TNR: variants seen among roughly 807,000 people sequenced by gnomAD.
The protein encoded by TNR is tenascin R.
TNR carries 45 observed loss-of-function variants against 150.4 expected under a neutral mutation model. That is an observed-to-expected ratio of 0.30 (90% CI 0.24 to 0.38). The LOEUF (loss-of-function observed/expected upper bound fraction) is 0.38, where lower values mean the gene tolerates loss of function less well. TNR is among the 10% of genes least tolerant of loss of function. The pLI is 1.00. For missense variants in TNR, 1,544 were observed against 1,759.1 expected, an observed-to-expected ratio of 0.88 and a Z score of 2.19; for synonymous variants, 687 against 678.4, an observed-to-expected ratio of 1.01 and a Z score of -0.20.
At chr1:175,334,940 G>A (rs1650155284) in intron 20 of TNR, among the ~76,000 whole-genome samples, 1 of 152,222 alleles carries the variant, frequency 6.6e-6, no homozygotes. Context: ...TGGTCCTAGA[G>A]GCAGAGAGGC....
At chr1:175,377,534 C>A (rs1652466346) in intron 9 of TNR, among the ~76,000 whole-genome samples, 1 of 148,620 alleles carries the variant, frequency 6.7e-6, no homozygotes, top group Non-Finnish European at 1.5e-5. Context: ...CCTATGCCAG[C>A]TGGTCTATCC....
intron 2 of TNR, among the ~76,000 whole-genome samples, chr1:175,479,531 T>A (rs1238842813): frequency 3.9e-5 from 6 of 152,092 alleles, no homozygotes; most frequent in East Asian, 1.9e-4. Flanking sequence ...CAAACTCAGC[T>A]CCCTAAATTC....
chr1:175,694,934 T>C (rs1326626730), intron 1 of TNR, among the ~76,000 whole-genome samples: 2 of 152,238 alleles, frequency 1.3e-5, no homozygotes, highest in Non-Finnish European at 2.9e-5. Flanking sequence ...TGTAGAACTT[T>C]ATTATGGCAG....
rs1405016834 is a variant in TNR, at chr1:175,320,216, T to C, written c.*3141A>G. 6.6e-6 allele frequency: 1 copy of C among 152,268 alleles called. No individual in the cohort carries two copies. Among genetic ancestry groups the C allele is most frequent in the African/African-American group, 2.4e-5 (1 of 41,418 alleles). The allele number at this position is 152,268 out of a possible 1,614,324, so 9.4% of individuals were successfully genotyped here. A position where few individuals can be genotyped will look rare whatever the true frequency, so the allele number is the denominator to read the frequency against. On this transcript the variant is annotated 3_prime_UTR_variant, in exon 23 of 23. Coordinates refer to ENST00000367674, the MANE Select transcript of TNR (RefSeq NM_003285.3). The stretch of plus-strand genomic sequence containing the variant: ...AGAGTATTGCTTACTGGATCTACCT[T>C]TGGGAAATGCAGTTGTGCTTGGAGG...
Position 175,599,474 on chromosome 1 carries a change from C to T in TNR, c.-164-71105G>A, listed in dbSNP as rs1244527357. 6.6e-6 allele frequency among the ~76,000 whole-genome samples: 1 copy of T among 152,226 alleles called. No individual in the cohort carries two copies. The highest frequency in any genetic ancestry group is 1.5e-5 in the Non-Finnish European group (1 of 68,038). On this transcript the variant is annotated intron_variant, in intron 1 of 22. Coordinates refer to ENST00000367674, the MANE Select transcript of TNR (RefSeq NM_003285.3). The surrounding 1 kb of genome is among the most constrained non-coding windows in gnomAD (Gnocchi z 4.7). ...ACGAGGAAATGAGAAGACTTGGGGT[C>T]TTGCGATCGCCGCCGAGTGACGGAG...
At chr1:175,686,370 G>C (rs72727604) in intron 1 of TNR, among the ~76,000 whole-genome samples, 4,058 of 152,286 alleles carry the variant, frequency 0.027, 79 homozygotes, top group Middle Eastern at 0.051. Context: ...GTGTCATAGA[G>C]AGCACTAGTA....
chr1:175,376,174 C>T (rs543341568), intron 9 of TNR, among the ~76,000 whole-genome samples: 29 of 152,156 alleles, frequency 1.9e-4, no homozygotes, highest in African/African-American at 6.5e-4. Flanking sequence ...GGCTGCACCA[C>T]GCTGTGAGAG....
intron 1 of TNR, among the ~76,000 whole-genome samples, chr1:175,669,466 C>T (rs1302609316): frequency 6.6e-6 from 1 of 152,192 alleles, no homozygotes; most frequent in African/African-American, 2.4e-5. Context: ...AGTGACTTTG[C>T]CCTCCACAGA....
intron 2 of TNR, among the ~76,000 whole-genome samples, chr1:175,502,909 C>T (rs149295735): frequency 1.1e-4 from 16 of 151,736 alleles, no homozygotes; most frequent in African/African-American, 1.9e-4. Context: ...ACCCCCTAGA[C>T]GAACCAAGGA....
At chr1:175,656,090 G>T (rs1373390962) in intron 1 of TNR, among the ~76,000 whole-genome samples, 1 of 151,628 alleles carries the variant, frequency 6.6e-6, no homozygotes, top group African/African-American at 2.4e-5. Flanking sequence ...CCCAGACAGG[G>T]CACCTTTAAA....
intron 21 of TNR, 39 bp from the exon 22 acceptor site, chr1:175,324,558 C>A: frequency 6.2e-7 from 1 of 1,603,228 alleles, no homozygotes; most frequent in South Asian, 1.1e-5. Context: ...TCCCATTTGT[C>A]ACTGCTTTAT....
chr1:175,457,866 G>A (rs1656633833), intron 2 of TNR, among the ~76,000 whole-genome samples: 1 of 152,178 alleles, frequency 6.6e-6, no homozygotes, highest in African/African-American at 2.4e-5. Context: ...CTTCTTAGAT[G>A]AAGAAACTGA....
chr1:175,471,989 C>A (rs1187907487), intron 2 of TNR, among the ~76,000 whole-genome samples: 1 of 151,762 alleles, frequency 6.6e-6, no homozygotes, highest in Non-Finnish European at 1.5e-5. Context: ...CCAAAGCACA[C>A]TAGCTGGGCA....
chr1:175,503,588 T>C (rs1658827791), intron 2 of TNR, among the ~76,000 whole-genome samples: 1 of 152,124 alleles, frequency 6.6e-6, no homozygotes, highest in South Asian at 2.1e-4. Flanking sequence ...TTTCACAAGG[T>C]ACCTTGGGCC....
chr1:175,599,024 G>A lies in TNR; in HGVS notation c.-164-70655C>T, dbSNP rs1663121834. On this transcript the variant is annotated intron_variant, in intron 1 of 22. Transcript: ENST00000367674. This position sits in a 1 kb window ranked among gnomAD's most constrained non-coding sequence, Gnocchi z 4.7. ...CTTAGGTGGCTCCGGCTCTCCAGGAGCTAAAGGGCTTCCCCAAGGTCACAC... is the reference window on the plus strand; with the variant it reads ...CTTAGGTGGCTCCGGCTCTCCAGGAACTAAAGGGCTTCCCCAAGGTCACAC... Among the ~76,000 whole-genome samples, 2 of 152,254 alleles carry A rather than the reference G, an allele frequency of 1.3e-5. No homozygotes were observed. The highest frequency in any genetic ancestry group is 2.9e-5 in the Non-Finnish European group (2 of 68,044).
Position 175,330,079 on chromosome 1 carries a change from G to GTGCCGT in TNR, c.3782_3787dup (p.Asn1261_Gly1262dup), listed in dbSNP as rs775625663. ...TGCTCAGGAGCCATAGGTACCCGCA[G>GTGCCGT]TGCCGTTGTAGCTTCCTATGCGGAG... is the stretch of plus-strand genomic sequence containing the variant. On this transcript the variant is annotated inframe_insertion, in exon 21 of 23. Coordinates refer to ENST00000367674, the MANE Select transcript of TNR (RefSeq NM_003285.3). The GTGCCGT allele has an allele frequency of 2.5e-5, 39 of 1,584,158 alleles. No homozygotes were observed. The highest frequency in any genetic ancestry group is 2.9e-5 in the Non-Finnish European group (34 of 1,157,910).
intron 9 of TNR, among the ~76,000 whole-genome samples, chr1:175,378,302 CTTCA>C (rs71299425): frequency 0.41 from 61,317 of 151,078 alleles, 12,694 homozygotes; most frequent in East Asian, 0.53. Context: ...ACTTCTGCAG[CTTCA>C]TTCATTCATT....
At chr1:175,526,966 C>T (rs1439149030) in intron 2 of TNR, among the ~76,000 whole-genome samples, 1 of 152,234 alleles carries the variant, frequency 6.6e-6, no homozygotes, top group Non-Finnish European at 1.5e-5. Flanking sequence ...ATGGACTGCC[C>T]TCTGTGCCAG....
At chr1:175,544,917 C>T (rs1443263696) in intron 1 of TNR, among the ~76,000 whole-genome samples, 1 of 152,122 alleles carries the variant, frequency 6.6e-6, no homozygotes. Context: ...GACACTATAC[C>T]CAAGCAGAAG....
Sources: allele counts gnomAD v4.1 joint callset (sites outside exome capture counted in the v4.1 genomes callset), GRCh38; gene constraint gnomAD v4.1.1; non-coding constraint Gnocchi (gnomAD v3.1); transcripts MANE v1.5; gene names NCBI Gene and HGNC (gene_info 2026-07-23, HGNC 2026-07-21).